CHRM3: variants seen among roughly 807,000 people sequenced by gnomAD.
CHRM3 encodes cholinergic receptor muscarinic 3.
In CHRM3, 11 loss-of-function variants were observed where a neutral mutation model predicts 41.8. The ratio of observed to expected loss-of-function variants is 0.26; its 90% confidence interval spans 0.17 to 0.44. The LOEUF is 0.44. Among genes scored for constraint, CHRM3 ranks in the 20% least tolerant of loss-of-function variants. The pLI, the probability that CHRM3 is intolerant of heterozygous loss-of-function variation, is 1.00. For missense variants in CHRM3, 571 were observed against 745.4 expected (o/e 0.77, Z 2.72); for synonymous variants, 297 against 301.4 (o/e 0.99, Z 0.15).
intron 5 of CHRM3, among the ~76,000 whole-genome samples, chr1:239,747,215 T>C (rs1324724644): frequency 6.6e-6 from 1 of 152,252 alleles, no homozygotes; most frequent in Non-Finnish European, 1.5e-5. Context: ...TATTATTTTC[T>C]TATCAATGGA....
intron 6 of CHRM3, among the ~76,000 whole-genome samples, chr1:239,849,303 T>G (rs572888304): frequency 6.6e-6 from 1 of 152,318 alleles, no homozygotes; most frequent in African/African-American, 2.4e-5. Context: ...CTATTACTGG[T>G]GATGATTCAA....
intron 1 of CHRM3, among the ~76,000 whole-genome samples, chr1:239,391,340 C>G (rs1048916256): frequency 2.0e-5 from 3 of 152,148 alleles, no homozygotes; most frequent in Non-Finnish European, 4.4e-5. Flanking sequence ...TGAACAAACT[C>G]TGAAATGCAG....
At chr1:239,440,093 G>A (rs996947019) in intron 1 of CHRM3, among the ~76,000 whole-genome samples, 2 of 151,436 alleles carry the variant, frequency 1.3e-5, no homozygotes, top group African/African-American at 4.9e-5. Context: ...AGCTACTCAG[G>A]AAGCTGAGGC....
chr1:239,487,626 A>C (rs1383480064), intron 1 of CHRM3, among the ~76,000 whole-genome samples: 1 of 152,168 alleles, frequency 6.6e-6, no homozygotes, highest in African/African-American at 2.4e-5. Flanking sequence ...TATTGTGAAA[A>C]TGTCAATTCT....
intron 6 of CHRM3, among the ~76,000 whole-genome samples, chr1:239,843,687 A>T (rs969714380): frequency 4.6e-5 from 7 of 152,112 alleles, no homozygotes; most frequent in Non-Finnish European, 7.4e-5. Flanking sequence ...AAAGACTTTA[A>T]TTGCTGACAT....
intron 5 of CHRM3, among the ~76,000 whole-genome samples, chr1:239,792,058 C>G (rs1424767867): frequency 6.6e-6 from 1 of 152,224 alleles, no homozygotes; most frequent in Non-Finnish European, 1.5e-5. Context: ...TTCCTCATTA[C>G]CCTGCAGTGT....
intron 1 of CHRM3, among the ~76,000 whole-genome samples, chr1:239,483,658 G>A (rs927710283): frequency 1.3e-5 from 2 of 152,116 alleles, no homozygotes; most frequent in Non-Finnish European, 2.9e-5. Context: ...CACCTACGTA[G>A]CTAGAGATTA....
chr1:239,518,691 A>G (rs1669432894), intron 2 of CHRM3, among the ~76,000 whole-genome samples: 1 of 152,214 alleles, frequency 6.6e-6, no homozygotes, highest in Non-Finnish European at 1.5e-5. Context: ...GAAAATCTAT[A>G]CATCAGTATT....
intron 5 of CHRM3, among the ~76,000 whole-genome samples, chr1:239,808,736 A>G (rs1396215445): frequency 2.0e-5 from 3 of 152,152 alleles, no homozygotes; most frequent in African/African-American, 7.2e-5. Flanking sequence ...AGCCCTCCAA[A>G]GAACTGCCCC....
At chr1:239,544,393 C>G (rs1372877922) in intron 2 of CHRM3, among the ~76,000 whole-genome samples, 1 of 152,066 alleles carries the variant, frequency 6.6e-6, no homozygotes, top group East Asian at 1.9e-4. Context: ...TGGAAAATAT[C>G]TTTATTATTT....
intron 6 of CHRM3, among the ~76,000 whole-genome samples, chr1:239,905,326 C>A (rs1679887146): frequency 6.6e-6 from 1 of 152,050 alleles, no homozygotes; most frequent in Admixed American, 6.5e-5. Context: ...TTAGGTCCTC[C>A]CAGACATCAC....
chr1:239,679,432 G>A (rs143749176), intron 5 of CHRM3, among the ~76,000 whole-genome samples: 26 of 152,196 alleles, frequency 1.7e-4, no homozygotes, highest in African/African-American at 6.0e-4. Context: ...GAAGGTTTCT[G>A]TACTTCCTTG....
intron 3 of CHRM3, among the ~76,000 whole-genome samples, chr1:239,631,823 A>G (rs1669865293): frequency 6.6e-6 from 1 of 152,240 alleles, no homozygotes; most frequent in South Asian, 2.1e-4. Context: ...CTTGTTGAAC[A>G]TAGACCATAC....
At chr1:239,666,328 G>C (rs1174374180) in intron 4 of CHRM3, among the ~76,000 whole-genome samples, 1 of 150,286 alleles carries the variant, frequency 6.7e-6, no homozygotes, top group Non-Finnish European at 1.5e-5. Context: ...CTGAATAGCT[G>C]GGACTACGGG....
rs199924322 is a variant in CHRM3 at position 239,482,513 on chromosome 1, C to T, written c.-520-10196C>T. Among the ~76,000 whole-genome samples the T allele has an allele frequency of 3.9e-5, 6 of 152,320 alleles. No homozygotes were observed. In the East Asian group the frequency reaches 9.6e-4, roughly 24 times the overall value. The stretch of plus-strand genomic sequence containing the variant: ...ACCTTAACGCCTAGAATACCTCTCA[C>T]ATCACTACTCTTCTCCTCACTGTCA... On this transcript the variant is annotated intron_variant, in intron 1 of 6. Coordinates refer to ENST00000676153, the MANE Select transcript of CHRM3 (RefSeq NM_001375978.1).
chr1:239,899,381 ATAAAC>A (rs1679303366), intron 6 of CHRM3, among the ~76,000 whole-genome samples: 2 of 149,498 alleles, frequency 1.3e-5, no homozygotes, highest in African/African-American at 5.0e-5. Flanking sequence ...ATATACATAT[ATAAAC>A]ACATATACAT....
chr1:239,732,804 A>G (rs1664064783), intron 5 of CHRM3, among the ~76,000 whole-genome samples: 1 of 55,882 alleles, frequency 1.8e-5, no homozygotes, highest in Non-Finnish European at 4.1e-5. Flanking sequence ...CTTAGATAAG[A>G]TACCTAATAT....
chr1:239,760,186 A>G (rs980827012), intron 5 of CHRM3, among the ~76,000 whole-genome samples: 1 of 151,658 alleles, frequency 6.6e-6, no homozygotes, highest in Non-Finnish European at 1.5e-5. Flanking sequence ...CGGCCCCCCA[A>G]AGTGCTAGGA....
chr1:239,618,965 A>C (rs1312540872), intron 3 of CHRM3, among the ~76,000 whole-genome samples: 2 of 150,068 alleles, frequency 1.3e-5, no homozygotes, highest in African/African-American at 4.9e-5. Context: ...CCCAGGCTGG[A>C]GTGCAGTGGC....
Sources: allele counts gnomAD v4.1 joint callset (sites outside exome capture counted in the v4.1 genomes callset), GRCh38; gene constraint gnomAD v4.1.1; transcripts MANE v1.5; gene names NCBI Gene and HGNC (gene_info 2026-07-23, HGNC 2026-07-21).